Variants in FILIP1 observed in about 807,000 individuals in gnomAD.
FILIP1 encodes the protein filamin-A-interacting protein 1.
Under a neutral mutation model 102.1 loss-of-function variants are expected in FILIP1, and 61 were observed. The observed-to-expected ratio is 0.60, with a 90% CI of 0.49 to 0.74. The LOEUF (loss-of-function observed/expected upper bound fraction) is 0.74. Among genes scored for constraint, FILIP1 ranks in the 30% least tolerant of loss-of-function variants. The pLI is 0.00. For missense variants in FILIP1, 1,314 were observed against 1,441.2 expected (o/e 0.91, Z 1.43); for synonymous variants, 491 against 526.9 (o/e 0.93, Z 0.93).
At position 75,415,979 on chromosome 6, in the gene FILIP1, G is replaced by A. The variant is rs1009708838; in HGVS notation, c.-6-1001C>T. ...GAAGAGAGCTCTAATATCCTGTGGG[G>A]TGTATTTCAAATTTTGCCTAAACCC... On this transcript the variant is annotated intron_variant, in intron 1 of 5. Transcript: ENST00000237172. 2.6e-5 allele frequency among the ~76,000 whole-genome samples: 4 copies of A among 152,204 alleles called. No individual in the cohort carries two copies. The East Asian group carries it at 5.8e-4, about 22-fold the overall frequency.
chr6:75,372,367 C>CAAAAA (rs1224463218), intron 2 of FILIP1, among the ~76,000 whole-genome samples: 1 of 48,974 alleles, frequency 2.0e-5, no homozygotes, highest in African/African-American at 6.4e-5. Flanking sequence ...AACTCTGTCT[C>CAAAAA]AAAAAAAAAA....
chr6:75,486,886 A>G (rs896599709), intron 1 of FILIP1, among the ~76,000 whole-genome samples: 6 of 152,066 alleles, frequency 3.9e-5, no homozygotes, highest in Non-Finnish European at 8.8e-5. Context: ...TATATATTAC[A>G]TGTAGCCATT....
chr6:75,387,648 T>C (rs148525297), intron 2 of FILIP1, among the ~76,000 whole-genome samples: 69 of 152,366 alleles, frequency 4.5e-4, no homozygotes, highest in African/African-American at 1.6e-3. Context: ...CCAGTGATGA[T>C]GAGCTTTTTT....
chr6:75,440,394 G>T (rs1272594551), intron 1 of FILIP1, among the ~76,000 whole-genome samples: 2 of 152,164 alleles, frequency 1.3e-5, no homozygotes, highest in Non-Finnish European at 2.9e-5. Context: ...CTGTGATTGT[G>T]CAGGAAGTGA....
chr6:75,492,426 T>C (rs1026292751), intron 1 of FILIP1, among the ~76,000 whole-genome samples: 2 of 152,172 alleles, frequency 1.3e-5, no homozygotes, highest in Non-Finnish European at 2.9e-5. Flanking sequence ...ACTAAAAAAT[T>C]ATTCAAATCA....
At chr6:75,443,758 G>T (rs565814479) in intron 1 of FILIP1, among the ~76,000 whole-genome samples, 1 of 152,334 alleles carries the variant, frequency 6.6e-6, no homozygotes, top group South Asian at 2.1e-4. Flanking sequence ...CCTTAGACAA[G>T]GTATGGACTC....
At chr6:75,404,584 AC>A (rs1471352634) in intron 2 of FILIP1, among the ~76,000 whole-genome samples, 1 of 152,108 alleles carries the variant, frequency 6.6e-6, no homozygotes, top group East Asian at 1.9e-4. Flanking sequence ...GTACATAATC[AC>A]CTTTCTTTAG....
intron 1 of FILIP1, among the ~76,000 whole-genome samples, chr6:75,467,996 G>T (rs576033439): frequency 6.6e-6 from 1 of 152,172 alleles, no homozygotes; most frequent in African/African-American, 2.4e-5. Context: ...CCAGCTGGGA[G>T]TCAAAGGTAT....
At chr6:75,328,974 C>T (rs981953135) in intron 4 of FILIP1, among the ~76,000 whole-genome samples, 2 of 152,106 alleles carry the variant, frequency 1.3e-5, no homozygotes, top group African/African-American at 4.8e-5. Context: ...GTTTGTTAGA[C>T]TTTTACTTTT....
chr6:75,410,172 C>A (rs1777012361), intron 2 of FILIP1, among the ~76,000 whole-genome samples: 1 of 152,092 alleles, frequency 6.6e-6, no homozygotes, highest in Non-Finnish European at 1.5e-5. Context: ...TATACAGTCA[C>A]CCCATAAAGA....
At chr6:75,478,171 G>A (rs1473368347) in intron 1 of FILIP1, among the ~76,000 whole-genome samples, 2 of 152,170 alleles carry the variant, frequency 1.3e-5, no homozygotes, top group Non-Finnish European at 2.9e-5. Flanking sequence ...CAGGATCAAA[G>A]AGCAAAAGAT....
chr6:75,307,723 C>G (rs1007016967), downstream of FILIP1, among the ~76,000 whole-genome samples: 1 of 152,126 alleles, frequency 6.6e-6, no homozygotes, highest in Non-Finnish European at 1.5e-5. Flanking sequence ...CTCCACACCA[C>G]ACACACACAT....
chr6:75,304,664 T>A (rs1582309220), downstream of FILIP1, among the ~76,000 whole-genome samples: 3 of 152,038 alleles, frequency 2.0e-5, no homozygotes. Flanking sequence ...CCTTCAACCA[T>A]CAAAACAATA....
intron 5 of FILIP1, 116 bp from the exon 6 acceptor site, chr6:75,309,013 C>T: frequency 9.7e-7 from 1 of 1,034,224 alleles, no homozygotes; most frequent in Non-Finnish European, 1.4e-6. Context: ...ACAGAAGACC[C>T]TTCCCCAGAT....
chr6:75,392,936 C>T (rs898446303), intron 2 of FILIP1, among the ~76,000 whole-genome samples: 104 of 152,316 alleles, frequency 6.8e-4, no homozygotes, highest in African/African-American at 1.8e-3. Context: ...TCTCCAGCCA[C>T]GTGGAACTAT....
At chr6:75,298,862 G>A (rs564887728) in intron 6 of FILIP1, among the ~76,000 whole-genome samples, 20 of 152,198 alleles carry the variant, frequency 1.3e-4, no homozygotes, top group African/African-American at 4.1e-4. Flanking sequence ...AAGTTGCAGC[G>A]TGCCGAGATA....
At chr6:75,359,252 C>T (rs903147612) in intron 3 of FILIP1, among the ~76,000 whole-genome samples, 2 of 151,852 alleles carry the variant, frequency 1.3e-5, no homozygotes, top group African/African-American at 2.4e-5. Context: ...GTGATCTGCC[C>T]GCCTCAGCCT....
intron 2 of FILIP1, among the ~76,000 whole-genome samples, chr6:75,392,995 G>A (rs1289852031): frequency 7.9e-5 from 12 of 152,178 alleles, no homozygotes. Flanking sequence ...TCTCAGGTAT[G>A]TCTTTATCAG....
At chr6:75,363,983 C>CT (rs1775248627) in intron 2 of FILIP1, among the ~76,000 whole-genome samples, 1 of 152,176 alleles carries the variant, frequency 6.6e-6, no homozygotes, top group African/African-American at 2.4e-5. Context: ...AAGTAGTCAA[C>CT]TATGAGTATT....
Sources: gnomAD v4.1 joint callset for allele counts (sites outside exome capture counted in the v4.1 genomes callset) on GRCh38, gnomAD v4.1.1 for gene constraint, MANE v1.5 for transcripts, NCBI Gene and HGNC (gene_info 2026-07-23, HGNC 2026-07-21) for gene names.